The following PDE7B variants were observed in gnomAD, a reference collection of about 807,000 sequenced individuals.
The protein encoded by PDE7B is 3',5'-cyclic-AMP phosphodiesterase 7B.
PDE7B carries 29 observed loss-of-function variants against 56.2 expected under a neutral mutation model. The observed-to-expected ratio is 0.52, with a 90% CI of 0.38 to 0.70. The LOEUF (loss-of-function observed/expected upper bound fraction) is 0.70, where lower values mean the gene tolerates loss of function less well. PDE7B is among the 30% of genes least tolerant of loss of function. The pLI is 0.00. For missense variants in PDE7B, 490 were observed against 565.0 expected (o/e 0.87, Z 1.35); for synonymous variants, 197 against 196.9 (o/e 1.00, Z 0.00).
At chr6:136,103,101 T>C (rs1041950066) in intron 2 of PDE7B, among the ~76,000 whole-genome samples, 2 of 152,154 alleles carry the variant, frequency 1.3e-5, no homozygotes, top group Non-Finnish European at 1.5e-5. Context: ...TACAAAGCTC[T>C]CTCACCGACA....
intron 2 of PDE7B, among the ~76,000 whole-genome samples, chr6:136,058,167 G>A (rs1431669839): frequency 6.6e-6 from 1 of 152,124 alleles, no homozygotes; most frequent in Non-Finnish European, 1.5e-5. Flanking sequence ...ACCAGATAGG[G>A]GGGAACTCAA....
intron 2 of PDE7B, among the ~76,000 whole-genome samples, chr6:135,990,721 T>G (rs1194651475): frequency 1.3e-5 from 2 of 152,184 alleles, no homozygotes; most frequent in Admixed American, 6.5e-5. Context: ...CACAAATAAG[T>G]GATAAGTATG....
At chr6:136,074,084 C>T in intron 2 of PDE7B, among the ~76,000 whole-genome samples, 1 of 151,932 alleles carries the variant, frequency 6.6e-6, no homozygotes, top group South Asian at 2.1e-4. Flanking sequence ...ATGAACTGGG[C>T]ACGGTGGCAC....
At position 136,004,428 on chromosome 6, in the gene PDE7B, T is replaced by C. The variant is rs1299014615; in HGVS notation, c.82+56904T>C. 3.3e-5 allele frequency among the ~76,000 whole-genome samples: 5 copies of C among 152,070 alleles called. No homozygotes were observed. In the East Asian group the frequency reaches 7.7e-4, roughly 23 times the overall value. On this transcript the variant is annotated intron_variant, in intron 2 of 12. Transcript: ENST00000308191. ...AAGTCAAATTGTCCCTGTTTGCAGA[T>C]GACATGATTGTATATCTAGAAAACC...
At chr6:135,926,375 C>G (rs929668349) in intron 1 of PDE7B, among the ~76,000 whole-genome samples, 2 of 152,088 alleles carry the variant, frequency 1.3e-5, no homozygotes, top group East Asian at 1.9e-4. Flanking sequence ...GCGTGAGCCA[C>G]CATGCCCGGC....
intron 2 of PDE7B, among the ~76,000 whole-genome samples, chr6:135,996,894 T>C (rs573117740): frequency 1.3e-5 from 2 of 152,268 alleles, no homozygotes; most frequent in Admixed American, 6.5e-5. Context: ...AGCACAGGGA[T>C]GCTGTGAAGA....
intron 2 of PDE7B, among the ~76,000 whole-genome samples, chr6:136,105,195 G>A (rs968105974): frequency 9.9e-5 from 15 of 152,174 alleles, no homozygotes; most frequent in South Asian, 2.1e-4. Context: ...TGATTGAACC[G>A]TGAACTCATC....
intron 2 of PDE7B, among the ~76,000 whole-genome samples, chr6:136,008,964 T>G (rs1438519375): frequency 1.3e-5 from 2 of 152,084 alleles, no homozygotes; most frequent in Non-Finnish European, 2.9e-5. Context: ...TTTTATGGTT[T>G]TAGGTCTAAC....
At chr6:135,915,682 A>C (rs1483115231) in intron 1 of PDE7B, among the ~76,000 whole-genome samples, 1 of 152,172 alleles carries the variant, frequency 6.6e-6, no homozygotes, top group Non-Finnish European at 1.5e-5. Flanking sequence ...GGCCCCCGGA[A>C]ATCGCTCTAT....
intron 2 of PDE7B, among the ~76,000 whole-genome samples, chr6:135,983,602 G>A (rs1775330992): frequency 6.6e-6 from 1 of 152,092 alleles, no homozygotes; most frequent in Non-Finnish European, 1.5e-5. Context: ...GTTGGTTATA[G>A]CACTAAAGTT....
At chr6:135,911,724 A>G (rs1235942623) in intron 1 of PDE7B, among the ~76,000 whole-genome samples, 1 of 152,204 alleles carries the variant, frequency 6.6e-6, no homozygotes, top group Non-Finnish European at 1.5e-5. Context: ...ACTATCCAAT[A>G]TGGTAACTAC....
intron 2 of PDE7B, among the ~76,000 whole-genome samples, chr6:136,007,050 A>T (rs1315611539): frequency 1.3e-5 from 2 of 151,300 alleles, no homozygotes; most frequent in Non-Finnish European, 2.9e-5. Flanking sequence ...ACGGTCTGTC[A>T]TAGATGGTTC....
chr6:136,016,762 G>C (rs1188598300), intron 2 of PDE7B, among the ~76,000 whole-genome samples: 1 of 151,190 alleles, frequency 6.6e-6, no homozygotes, highest in Non-Finnish European at 1.5e-5. Flanking sequence ...GGACTTCTGG[G>C]AGAAAAAAAA....
At chr6:136,030,242 T>C (rs1181673279) in intron 2 of PDE7B, among the ~76,000 whole-genome samples, 1 of 152,236 alleles carries the variant, frequency 6.6e-6, no homozygotes, top group Non-Finnish European at 1.5e-5. Context: ...TTTAGTTAAC[T>C]GTACATATTT....
intron 2 of PDE7B, among the ~76,000 whole-genome samples, chr6:136,043,139 T>C (rs7749550): frequency 0.22 from 33,136 of 152,178 alleles, 4,419 homozygotes; most frequent in African/African-American, 0.37. Flanking sequence ...TAATTCATAA[T>C]ATTTTTCTAA....
At chr6:136,175,759 C>T (rs1268975226) in intron 9 of PDE7B, among the ~76,000 whole-genome samples, 5 of 152,068 alleles carry the variant, frequency 3.3e-5, no homozygotes, top group Non-Finnish European at 5.9e-5. Context: ...ATATCCCAAA[C>T]TTTGATACTC....
intron 2 of PDE7B, among the ~76,000 whole-genome samples, chr6:136,099,219 A>G (rs1777521432): frequency 6.6e-6 from 1 of 152,178 alleles, no homozygotes; most frequent in South Asian, 2.1e-4. Flanking sequence ...TATTGTGAAT[A>G]GTGCTGCAAT....
chr6:135,984,106 G>A (rs952730286), intron 2 of PDE7B, among the ~76,000 whole-genome samples: 1 of 152,206 alleles, frequency 6.6e-6, no homozygotes. Flanking sequence ...AGACCAGCTG[G>A]AATGGGGAAA....
chr6:136,140,464 G>A (rs1480955360), intron 3 of PDE7B, among the ~76,000 whole-genome samples: 2 of 152,030 alleles, frequency 1.3e-5, no homozygotes, highest in Non-Finnish European at 2.9e-5. Context: ...GCTCTTTTTT[G>A]GTTCCATATG....
Sources: allele counts gnomAD v4.1 joint callset (sites outside exome capture counted in the v4.1 genomes callset), GRCh38; gene constraint gnomAD v4.1.1; transcripts MANE v1.5; gene names NCBI Gene and HGNC (gene_info 2026-07-23, HGNC 2026-07-21).